Variants in TMF1 observed in about 807,000 individuals in gnomAD.
The protein encoded by TMF1 is TATA element modulatory factor.
In TMF1, 71 loss-of-function variants were observed where a neutral mutation model predicts 126.5. The observed-to-expected ratio is 0.56, with a 90% confidence interval of 0.46 to 0.68. The LOEUF (loss-of-function observed/expected upper bound fraction) is 0.68, where lower values mean the gene tolerates loss of function less well. TMF1 is among the 30% of genes least tolerant of loss of function. TMF1 has a pLI of 0.00. For missense variants in TMF1, 1,259 were observed against 1,253.2 expected, an observed-to-expected ratio of 1.00 and a Z score of -0.07; for synonymous variants, 461 against 430.5, an observed-to-expected ratio of 1.07 and a Z score of -0.88.
In TMF1 at chr3:69,020,286, T is replaced by C. The variant is rs1469116535; in HGVS notation, c.*2891A>G. 1 of 151,672 alleles carries C rather than the reference T, an allele frequency of 6.6e-6. No homozygotes were observed. The highest frequency in any genetic ancestry group is 1.5e-5 in the Non-Finnish European group (1 of 67,984). The allele number at this position is 151,672 out of a possible 1,614,324, so 9.4% of individuals were successfully genotyped here. A position where few individuals can be genotyped will look rare whatever the true frequency, so the allele number is the denominator to read the frequency against. On this transcript the variant is annotated 3_prime_UTR_variant, in exon 17 of 17. Transcript: ENST00000398559. ...ATTTAGAATATCTTAAGTCACAACA[T>C]AGATATATTTGGTACATTCCACATG...
At chr3:69,028,491 A>T (rs1479143322) in intron 11 of TMF1, among the ~76,000 whole-genome samples, 196 bp from the exon 12 acceptor site, 2 of 152,216 alleles carry the variant, frequency 1.3e-5, no homozygotes, top group Admixed American at 1.3e-4. Flanking sequence ...CAAAAGTGAA[A>T]AAGCTCCACT....
Position 69,019,896 on chromosome 3 carries a change from TATATC to T in TMF1, c.*3276_*3280del, listed in dbSNP as rs1455614627. On this transcript the variant is annotated 3_prime_UTR_variant, in exon 17 of 17. Coordinates refer to ENST00000398559, the MANE Select transcript of TMF1 (RefSeq NM_007114.3). ...CATTACCTTTCATTTAGAATTAAAATATATCAATCTGTAGTTTAAATCATACTTTC... is the reference window on the plus strand; with the variant it reads ...CATTACCTTTCATTTAGAATTAAAATAATCTGTAGTTTAAATCATACTTTC... 6 of 152,264 alleles carry T rather than the reference TATATC, an allele frequency of 3.9e-5. No individual in the cohort carries two copies. The East Asian group carries it at 1.2e-3, about 29-fold the overall frequency. The allele number at this position is 152,264 out of a possible 1,614,324, so 9.4% of individuals were successfully genotyped here. A position where few individuals can be genotyped will look rare whatever the true frequency, so the allele number is the denominator to read the frequency against.
At chr3:69,026,349 C>T (rs1341619513) in intron 13 of TMF1, among the ~76,000 whole-genome samples, 2 of 152,178 alleles carry the variant, frequency 1.3e-5, no homozygotes, top group African/African-American at 4.8e-5. Flanking sequence ...GTAATCCCAG[C>T]ACTTTGGGAG....
At chr3:69,045,368 G>T (rs1415909605) in intron 2 of TMF1, among the ~76,000 whole-genome samples, 1 of 152,136 alleles carries the variant, frequency 6.6e-6, no homozygotes, top group African/African-American at 2.4e-5. Context: ...TGAGGCTGGA[G>T]AATCGCTTGA....
intron 11 of TMF1, among the ~76,000 whole-genome samples, chr3:69,028,588 A>G (rs943715301): frequency 2.0e-5 from 3 of 152,236 alleles, no homozygotes; most frequent in African/African-American, 7.2e-5. Context: ...CCATCATCCT[A>G]TAATATGCTC....
At chr3:69,049,817 G>A (rs2091916210) in intron 1 of TMF1, among the ~76,000 whole-genome samples, 1 of 152,134 alleles carries the variant, frequency 6.6e-6, no homozygotes, top group Non-Finnish European at 1.5e-5. Context: ...AGTATTTAAA[G>A]CATTTCTTTA....
intron 1 of TMF1, 123 bp downstream of exon 1, chr3:69,051,822 G>A (rs2091931533): frequency 3.3e-6 from 4 of 1,194,564 alleles, no homozygotes; most frequent in East Asian, 2.7e-5. Flanking sequence ...AACGGGCCGG[G>A]GAGAAATTAC....
At chr3:69,025,734 A>C in intron 14 of TMF1, 22 bp from the exon 15 acceptor site, 1 of 1,604,612 alleles carries the variant, frequency 6.2e-7, no homozygotes, top group Non-Finnish European at 8.5e-7. Flanking sequence ...AAGAAAGTTC[A>C]CACAGTTACT....
intron 16 of TMF1, among the ~76,000 whole-genome samples, chr3:69,023,654 G>A (rs1407993763): frequency 1.3e-5 from 2 of 151,954 alleles, no homozygotes; most frequent in African/African-American, 2.4e-5. Flanking sequence ...GTATTACCCG[G>A]CATTTAGCCC....
intron 11 of TMF1, among the ~76,000 whole-genome samples, chr3:69,028,896 A>G (rs531755962): frequency 6.6e-6 from 1 of 152,312 alleles, no homozygotes; most frequent in African/African-American, 2.4e-5. Flanking sequence ...GTGGTGTTAT[A>G]GGCCCCTTTA....
At position 69,039,107 on chromosome 3, in the gene TMF1, A is replaced by G. The variant is rs113891605; in HGVS notation, c.1828-98T>C. 2,488 of 1,036,564 alleles carry G rather than the reference A, an allele frequency of 2.4e-3. 54 individuals carry two copies. The African/African-American group carries it at 0.036, about 15-fold the overall frequency. 64.2% of individuals were successfully genotyped at this position (1,036,564 alleles called of 1,614,324 possible). A position where few individuals can be genotyped will look rare whatever the true frequency, so the allele number is the denominator to read the frequency against. The stretch of plus-strand genomic sequence containing the variant: ...TCTATAATAATGGAGAAAAATATAT[A>G]TTTTTTTGAGACAAAGTCTCGCTCT... On this transcript the variant is annotated intron_variant, in intron 6 of 16. Coordinates refer to ENST00000398559, the MANE Select transcript of TMF1 (RefSeq NM_007114.3).
Position 69,023,061 on chromosome 3 carries a change from C to A in TMF1, c.*116G>T. ...TAAAACAATTTTAAAAAAATTTTTA[C>A]ACTCTACAGTAAATCCCACTTTCTA... is the stretch of plus-strand genomic sequence containing the variant. On this transcript the variant is annotated 3_prime_UTR_variant, in exon 17 of 17. Coordinates refer to ENST00000398559, the MANE Select transcript of TMF1 (RefSeq NM_007114.3). 1 of 955,874 alleles carries A rather than the reference C, an allele frequency of 1.0e-6. No homozygotes were observed. Among genetic ancestry groups the A allele is most frequent in the Non-Finnish European group, 1.5e-6 (1 of 676,802 alleles). The allele number at this position is 955,874 out of a possible 1,614,324, so 59.2% of individuals were successfully genotyped here.
At chr3:69,025,441 C>T (rs2091762638) in intron 15 of TMF1, 119 bp downstream of exon 15, 2 of 1,007,350 alleles carry the variant, frequency 2.0e-6, no homozygotes, top group South Asian at 3.5e-5. Flanking sequence ...TTGGGCTTCA[C>T]ATGCCACTAT....
At position 69,030,011 on chromosome 3, in the gene TMF1, A is replaced by T. The variant is rs2091790790; in HGVS notation, c.2402-4T>A. The stretch of plus-strand genomic sequence containing the variant: ...GCCAGCAAGGTCTGGGATTCACCTG[A>T]TTACAGGACAGAAAAAAAAATCACA... On this transcript the variant is annotated splice_polypyrimidine_tract_variant and splice_region_variant and intron_variant, in intron 10 of 16. Coordinates refer to ENST00000398559, the MANE Select transcript of TMF1 (RefSeq NM_007114.3). The T allele has an allele frequency of 1.9e-6, 3 of 1,600,032 alleles. No individual in the cohort carries two copies. The highest frequency in any genetic ancestry group is 2.6e-6 in the Non-Finnish European group (3 of 1,174,890).
At position 69,029,928 on chromosome 3, in the gene TMF1, C is replaced by G. The variant is rs61737463; in HGVS notation, c.2481G>C (p.Gln827His). The change falls in exon 11 of 17, where the codon CAG becomes CAC. Residue 827 changes from glutamine (Q) to histidine (H), a missense_variant. Transcript: ENST00000398559. ...ATEELLANKI[Q>H]MSSMESQNSL... is the part of the protein sequence containing the mutation. Reference sequence around the variant, plus strand: ...AATTCTGTGACTCCATGGAAGACATCTGAATTTTGTTAGCAAGGAGTTCTT... The same window carrying G: ...AATTCTGTGACTCCATGGAAGACATGTGAATTTTGTTAGCAAGGAGTTCTT... 143 of 1,614,028 alleles carry G rather than the reference C, an allele frequency of 8.9e-5. No homozygotes were observed. Among genetic ancestry groups the G allele is most frequent in the Admixed American group, 8.3e-5 (5 of 60,012 alleles).
At position 69,044,543 on chromosome 3, in the gene TMF1, G is replaced by C. The variant is rs1485493198; in HGVS notation, c.1400C>G (p.Ser467Cys). Residue 467 changes from serine to cysteine, a missense_variant, in exon 3 of 17, where the codon TCT (serine) becomes TGT (cysteine). Coordinates refer to ENST00000398559, the MANE Select transcript of TMF1 (RefSeq NM_007114.3). ...KLEKREAQLL[S>C]LSKEKALLEE... The stretch of plus-strand genomic sequence containing the variant: ...TAGAAGTGCTTTTTCCTTACTAAGA[G>C]ATAATAACTGAGCCTCCCTTTTTTC... The C allele has an allele frequency of 1.2e-6, 2 of 1,608,732 alleles. No homozygotes were observed. Among genetic ancestry groups the C allele is most frequent in the African/African-American group, 2.7e-5 (2 of 74,510 alleles).
rs1197488744 is a variant in TMF1, at chr3:69,026,084, A to G, written c.2771T>C (p.Phe924Ser). ...CATGGTGGGAGTGCTAGAAACAGAA[A>G]ATGGCTTGCGTTCCTTAGGGAGTAA... ...ETIKEKERKP[F>S]SVSSTPTMSR... Residue 924 changes from phenylalanine (F) to serine (S), a missense_variant, in exon 14 of 17, where the codon TTT (phenylalanine) becomes TCT (serine). Physicochemically the swap from Phe to Ser is radical, Grantham distance 155. Coordinates refer to ENST00000398559, the MANE Select transcript of TMF1 (RefSeq NM_007114.3). 1.2e-6 allele frequency: 2 copies of G among 1,613,958 alleles called. No individual in the cohort carries two copies. The highest frequency in any genetic ancestry group is 8.5e-7 in the Non-Finnish European group (1 of 1,179,904).
At chr3:69,024,576 A>G (rs2091756558) in intron 15 of TMF1, among the ~76,000 whole-genome samples, 1 of 152,094 alleles carries the variant, frequency 6.6e-6, no homozygotes, top group Non-Finnish European at 1.5e-5. Context: ...TTTCATCACT[A>G]CCAAAGAAAT....
chr3:69,045,461 C>G (rs1222230692), intron 2 of TMF1, among the ~76,000 whole-genome samples: 1 of 150,076 alleles, frequency 6.7e-6, no homozygotes, highest in Non-Finnish European at 1.5e-5. Context: ...GAAACTCCAT[C>G]TCAAAAAGTA....
Sources: gnomAD v4.1 joint callset for allele counts (sites outside exome capture counted in the v4.1 genomes callset) on GRCh38, gnomAD v4.1.1 for gene constraint, MANE v1.5 for transcripts, NCBI Gene and HGNC (gene_info 2026-07-23, HGNC 2026-07-21) for gene names.